Variants in NMNAT2 observed in about 807,000 individuals in gnomAD.
NMNAT2 encodes nicotinamide/nicotinic acid mononucleotide adenylyltransferase 2.
In NMNAT2, 11 loss-of-function variants were observed where a neutral mutation model predicts 41.6. That is an observed-to-expected ratio of 0.26 (90% confidence interval 0.17 to 0.44). The LOEUF is 0.44. Ranked by LOEUF, NMNAT2 falls within the 20% of genes least tolerant of loss-of-function variation. The pLI is 1.00. For missense variants in NMNAT2, 288 were observed against 407.7 expected (o/e 0.71, Z 2.53); for synonymous variants, 148 against 151.2 (o/e 0.98, Z 0.16).
Position 183,290,140 on chromosome 1 carries a change from C to A in NMNAT2, c.309G>T (p.Arg103=). The A allele has an allele frequency of 1.3e-6, 2 of 1,579,834 alleles. No individual in the cohort carries two copies. Among genetic ancestry groups the A allele is most frequent in the Non-Finnish European group, 8.6e-7 (1 of 1,161,584 alleles). Residue 103 remains arginine, a synonymous_variant, in exon 4 of 11, where the codon CGG becomes CGT. Coordinates refer to ENST00000287713, the MANE Select transcript of NMNAT2 (RefSeq NM_015039.4). ...QTTCSVLEHH[R]DLMKRVTGCI... ...TGGCCCAGCTCACCTTCATGAGGTC[C>A]CGGTGGTGTTCCAACACGCTGCAGG...
intron 1 of NMNAT2, chr1:183,304,647 T>C: frequency 6.2e-7 from 1 of 1,610,524 alleles, no homozygotes; most frequent in Non-Finnish European, 8.5e-7. Flanking sequence ...TCATGCCATG[T>C]GCCTCAGGCT....
chr1:183,402,451 TTGTC>T (rs1421005672), intron 1 of NMNAT2, among the ~76,000 whole-genome samples: 1 of 152,212 alleles, frequency 6.6e-6, no homozygotes, highest in African/African-American at 2.4e-5. Context: ...TCCCTAAAAT[TTGTC>T]TGTATAAATG....
chr1:183,398,604 A>G (rs553211837), intron 1 of NMNAT2, among the ~76,000 whole-genome samples: 123 of 152,310 alleles, frequency 8.1e-4, no homozygotes, highest in African/African-American at 2.9e-3. Flanking sequence ...TCAACAGAAT[A>G]TACATTCTTC....
intron 1 of NMNAT2, among the ~76,000 whole-genome samples, chr1:183,337,590 T>C: frequency 1.2e-5 from 1 of 85,204 alleles, no homozygotes; most frequent in African/African-American, 3.8e-5. Context: ...AAAAAAAAAA[T>C]ACCATACATT....
At chr1:183,295,952 G>A (rs147100338) in intron 1 of NMNAT2, among the ~76,000 whole-genome samples, 2,651 of 152,210 alleles carry the variant, frequency 0.017, 70 homozygotes, top group African/African-American at 0.059. Context: ...GGGCTTAAGC[G>A]ATTCTCCTGC....
intron 8 of NMNAT2, among the ~76,000 whole-genome samples, chr1:183,278,184 C>T (rs1266320375): frequency 6.6e-6 from 1 of 152,136 alleles, no homozygotes; most frequent in Non-Finnish European, 1.5e-5. Context: ...GTATTTACCA[C>T]CTCTTCAAAA....
chr1:183,413,873 C>A (rs1649186751), intron 1 of NMNAT2, among the ~76,000 whole-genome samples: 1 of 152,148 alleles, frequency 6.6e-6, no homozygotes, highest in African/African-American at 2.4e-5. Context: ...TCCCAAAGTG[C>A]TGGGATTACA....
At chr1:183,332,071 C>G (rs1263999359) in intron 1 of NMNAT2, among the ~76,000 whole-genome samples, 1 of 152,250 alleles carries the variant, frequency 6.6e-6, no homozygotes, top group Non-Finnish European at 1.5e-5. Context: ...GCATGAACCA[C>G]CATGCCTGGC....
At chr1:183,341,075 G>A (rs183787246) in intron 1 of NMNAT2, among the ~76,000 whole-genome samples, 182 of 152,334 alleles carry the variant, frequency 1.2e-3, no homozygotes, top group Non-Finnish European at 2.0e-3. Flanking sequence ...GCAGTGGATG[G>A]GCGGCTGGGC....
chr1:183,303,982 G>A (rs1376120345), intron 1 of NMNAT2, among the ~76,000 whole-genome samples: 4 of 152,240 alleles, frequency 2.6e-5, no homozygotes, highest in Non-Finnish European at 5.9e-5. Flanking sequence ...ACCCCTGGGC[G>A]GAGAATGTGG....
chr1:183,413,889 G>A (rs1053566776), intron 1 of NMNAT2, among the ~76,000 whole-genome samples: 1 of 152,164 alleles, frequency 6.6e-6, no homozygotes, highest in Non-Finnish European at 1.5e-5. Flanking sequence ...TTACAGGCAT[G>A]AGCCACCGCG....
At position 183,265,847 on chromosome 1, in the gene NMNAT2, C is replaced by T. The variant is rs79666027; in HGVS notation, c.652-4544G>A. 2.1e-3 allele frequency among the ~76,000 whole-genome samples: 321 copies of T among 152,288 alleles called. 6 individuals carry two copies. In the East Asian group the frequency reaches 0.052, roughly 25 times the overall value. On this transcript the variant is annotated intron_variant, in intron 8 of 10. Transcript: ENST00000287713. ...CTGCAGATATGATTAAACTAAGGAT[C>T]TTGAGATTATCCTGGGTTATCTGGG... is the stretch of plus-strand genomic sequence containing the variant.
chr1:183,368,492 G>A (rs1201462231), intron 1 of NMNAT2, among the ~76,000 whole-genome samples: 1 of 152,172 alleles, frequency 6.6e-6, no homozygotes. Context: ...CAGAATTGGG[G>A]TGTTTGGGGA....
At chr1:183,373,767 G>A (rs571190891) in intron 1 of NMNAT2, among the ~76,000 whole-genome samples, 4 of 151,904 alleles carry the variant, frequency 2.6e-5, no homozygotes, top group Non-Finnish European at 4.4e-5. Context: ...ACAGGCACAC[G>A]CAACCATGCC....
rs1351483860 is a variant in NMNAT2 at position 183,370,392 on chromosome 1, T to G, written c.85+47791A>C. On this transcript the variant is annotated intron_variant, in intron 1 of 10. Transcript: ENST00000287713. The stretch of plus-strand genomic sequence containing the variant: ...AGTTTCCATTTCTGCTTCATTCATG[T>G]GGGGATGGTGTTATCTATCTTACTG... 2.0e-5 allele frequency among the ~76,000 whole-genome samples: 3 copies of G among 152,124 alleles called. 1 individual carries two copies. Among genetic ancestry groups the G allele is most frequent in the East Asian group, 3.9e-4 (2 of 5,186 alleles).
chr1:183,362,684 G>A (rs981814952), intron 1 of NMNAT2, among the ~76,000 whole-genome samples: 1 of 152,042 alleles, frequency 6.6e-6, no homozygotes, highest in African/African-American at 2.4e-5. Context: ...TATTTGGGTT[G>A]TTTTTTTCCT....
At chr1:183,374,192 A>G (rs1241545432) in intron 1 of NMNAT2, among the ~76,000 whole-genome samples, 2 of 152,224 alleles carry the variant, frequency 1.3e-5, no homozygotes, top group African/African-American at 4.8e-5. Context: ...CTCAACCAGT[A>G]TACCGTGGCA....
intron 1 of NMNAT2, among the ~76,000 whole-genome samples, chr1:183,355,796 T>C (rs2102355426): frequency 6.6e-6 from 1 of 152,334 alleles, no homozygotes; most frequent in East Asian, 1.9e-4. Context: ...ACAGGTCGTG[T>C]TGCTGTTCAA....
At chr1:183,282,685 G>A (rs557042351) in intron 7 of NMNAT2, among the ~76,000 whole-genome samples, 3 of 152,154 alleles carry the variant, frequency 2.0e-5, no homozygotes, top group Non-Finnish European at 4.4e-5. Context: ...CCCAGCCCAG[G>A]CACCTTCCCT....
Sources: allele counts gnomAD v4.1 joint callset (sites outside exome capture counted in the v4.1 genomes callset), GRCh38; gene constraint gnomAD v4.1.1; transcripts MANE v1.5; gene names NCBI Gene and HGNC (gene_info 2026-07-23, HGNC 2026-07-21).